The following STMN1 variants were observed in gnomAD, a reference collection of about 807,000 sequenced individuals.
The protein encoded by STMN1 is stathmin 1.
A neutral mutation model predicts 19.7 loss-of-function variants in STMN1; 3 were observed. The ratio of observed to expected loss-of-function variants is 0.15; its 90% CI spans 0.07 to 0.39. The LOEUF (loss-of-function observed/expected upper bound fraction) is 0.39, where lower values mean the gene tolerates loss of function less well. Ranked by LOEUF, STMN1 falls within the 10% of genes least tolerant of loss-of-function variation. The pLI is 1.00. For synonymous variants in STMN1, 59 were observed against 58.9 expected (o/e 1.00, Z -0.01); for missense variants, 99 against 176.0 (o/e 0.56, Z 2.48).
chr1:25,903,047 A>T (rs1054222278), intron 3 of STMN1: 2 of 152,280 alleles, frequency 1.3e-5, no homozygotes, highest in African/African-American at 4.8e-5. Flanking sequence ...GAATACTTTT[A>T]ATTTCCATTT....
intron 4 of STMN1, among the ~76,000 whole-genome samples, chr1:25,895,099 C>CTTT (rs34587140): frequency 2.6e-5 from 3 of 113,404 alleles, no homozygotes; most frequent in Non-Finnish European, 5.4e-5. Context: ...TATTATACGT[C>CTTT]TTTTTTTTTT....
chr1:25,892,645 A>G, intron 4 of STMN1: 1 of 979,630 alleles, frequency 1.0e-6, no homozygotes, highest in South Asian at 4.7e-5. Flanking sequence ...CTGAGTCAGA[A>G]GGAAAGCCTG....
Position 25,895,099 on chromosome 1 carries a change from CTTT to C in STMN1, c.378+6389_378+6391del, listed in dbSNP as rs34587140. ...AGGGAGATTCACTTTTATTATACGT[CTTT>C]TTTTTTTTTTTTTTTTTTGAGACAC... On this transcript the variant is annotated intron_variant, in intron 4 of 4. Coordinates refer to the STMN1 transcript ENST00000426559. 9.8e-3 allele frequency among the ~76,000 whole-genome samples: 1,113 copies of C among 113,336 alleles called. 11 individuals carry two copies. Among genetic ancestry groups the C allele is most frequent in the Admixed American group, 0.03 (308 of 10,282 alleles). 74.4% of individuals were successfully genotyped at this position (113,336 alleles called of 152,430 possible).
At chr1:25,904,829 T>A in intron 1 of STMN1, 91 bp from the exon 2 acceptor site, 1 of 834,880 alleles carries the variant, frequency 1.2e-6, no homozygotes. Context: ...TCTACATACA[T>A]CGTCAGAAAA....
Position 25,900,935 on chromosome 1 carries a change from G to A in STMN1, c.*81C>T. On this transcript the variant is annotated 3_prime_UTR_variant, in exon 5 of 5. Transcript: ENST00000455785. Reference sequence around the variant, plus strand: ...AGCTTCTAAAATATTTGTCAGGAGGGAAAAAATAAAATGACACTGGCCAGT... The same window carrying A: ...AGCTTCTAAAATATTTGTCAGGAGGAAAAAAATAAAATGACACTGGCCAGT... 6.2e-7 allele frequency: 1 copy of A among 1,604,402 alleles called. No individual in the cohort carries two copies. Among genetic ancestry groups the A allele is most frequent in the East Asian group, 2.2e-5 (1 of 44,788 alleles).
intron 4 of STMN1, among the ~76,000 whole-genome samples, chr1:25,890,351 C>G (rs2048761303): frequency 6.6e-6 from 1 of 152,194 alleles, no homozygotes; most frequent in African/African-American, 2.4e-5. Context: ...AGGAGCAGGC[C>G]TTCTGAAAGG....
rs1297448477 is a variant in STMN1, at chr1:25,903,644, G to C, written c.183C>G (p.Arg61=). The C allele has an allele frequency of 2.5e-6, 4 of 1,611,894 alleles. No individual in the cohort carries two copies. Among genetic ancestry groups the C allele is most frequent in the South Asian group, 1.1e-5 (1 of 90,862 alleles). ...QKKLEAAEER[R]KSHEAEVLKQ... Reference sequence around the variant, plus strand: ...TTCTGTGAATTGCTTCGTTTACCTTGCGTCTTTCTTCTGCAGCTTCTAATT... The same window carrying C: ...TTCTGTGAATTGCTTCGTTTACCTTCCGTCTTTCTTCTGCAGCTTCTAATT... Residue 61 remains arginine, a synonymous_variant, in exon 3 of 5, where the codon CGC becomes CGG. Transcript: ENST00000455785.
At chr1:25,893,878 A>G (rs1437386446) in intron 4 of STMN1, among the ~76,000 whole-genome samples, 1 of 152,182 alleles carries the variant, frequency 6.6e-6, no homozygotes, top group Non-Finnish European at 1.5e-5. Flanking sequence ...GTCAGTGGCC[A>G]GGAGAATGGT....
intron 4 of STMN1, among the ~76,000 whole-genome samples, chr1:25,893,469 C>T (rs2048793887): frequency 6.6e-6 from 1 of 152,200 alleles, no homozygotes; most frequent in South Asian, 2.1e-4. Context: ...AGGGCAGGCA[C>T]ACTGCTCTGA....
chr1:25,904,692 A>C lies in STMN1; in HGVS notation c.-16T>G. On this transcript the variant is annotated 5_prime_UTR_variant, in exon 2 of 5. Coordinates refer to ENST00000455785, the MANE Select transcript of STMN1 (RefSeq NM_005563.4). ...AAGAAGCCATGGTGAATAGAAGACA[A>C]GCGACAGGCAGTGTATTCTGCACAA... 1.2e-6 allele frequency: 2 copies of C among 1,613,686 alleles called. No homozygotes were observed. Among genetic ancestry groups the C allele is most frequent in the Non-Finnish European group, 1.7e-6 (2 of 1,179,858 alleles).
At chr1:25,892,057 T>G (rs964358504) in intron 4 of STMN1, among the ~76,000 whole-genome samples, 4 of 152,226 alleles carry the variant, frequency 2.6e-5, no homozygotes, top group East Asian at 1.9e-4. Flanking sequence ...CCCATTCTTA[T>G]GCTCACTAAA....
At position 25,900,341 on chromosome 1, in the gene STMN1, TGAAA is replaced by T. The variant is rs1247626956; in HGVS notation, c.*671_*674del. 1 of 985,704 alleles carries T rather than the reference TGAAA, an allele frequency of 1.0e-6. No individual in the cohort carries two copies. Among genetic ancestry groups the T allele is most frequent in the Non-Finnish European group, 1.2e-6 (1 of 829,926 alleles). The allele number at this position is 985,704 out of a possible 1,614,324, so 61.1% of individuals were successfully genotyped here. On this transcript the variant is annotated 3_prime_UTR_variant, in exon 5 of 5. Coordinates refer to ENST00000455785, the MANE Select transcript of STMN1 (RefSeq NM_005563.4). ...AAATGGTTGTTTGCAAATAAACATC[TGAAA>T]GAAAGTAACAGCTGACCTGGGCTGA...
At chr1:25,899,176 T>G (rs531914247), downstream of STMN1, among the ~76,000 whole-genome samples, 3 of 152,328 alleles carry the variant, frequency 2.0e-5, no homozygotes, top group African/African-American at 7.2e-5. Context: ...TCAGGCCTGT[T>G]GATCCTTCCC....
intron 3 of STMN1, chr1:25,902,360 T>C (rs1303789147): frequency 6.6e-6 from 1 of 152,216 alleles, no homozygotes; most frequent in Non-Finnish European, 1.5e-5. Flanking sequence ...AACTAGCTCA[T>C]TGTAAAAATT....
At chr1:25,894,478 G>A (rs890362119) in intron 4 of STMN1, among the ~76,000 whole-genome samples, 2 of 152,174 alleles carry the variant, frequency 1.3e-5, no homozygotes, top group Non-Finnish European at 2.9e-5. Context: ...TCAGGAGTTC[G>A]AGACCGGCCT....
At chr1:25,887,401 A>G (rs2048732205) in intron 4 of STMN1, 2 of 334,886 alleles carry the variant, frequency 6.0e-6, no homozygotes, top group Non-Finnish European at 1.2e-5. Flanking sequence ...TCAGTGGGTT[A>G]ACAGGAAAGC....
Position 25,903,823 on chromosome 1 carries a change from A to T in STMN1, c.14-10T>A. 10 of 1,584,702 alleles carry T rather than the reference A, an allele frequency of 6.3e-6. No homozygotes were observed. Among genetic ancestry groups the T allele is most frequent in the Non-Finnish European group, 8.5e-6 (10 of 1,170,548 alleles). On this transcript the variant is annotated splice_polypyrimidine_tract_variant and intron_variant, in intron 2 of 4. Transcript: ENST00000455785. The stretch of plus-strand genomic sequence containing the variant: ...TCTTTCACCTGGATATCTAGAATTG[A>T]TTATATTTATAATTCAGAAAACCAG...
downstream of STMN1, chr1:25,885,402 G>A (rs984303913): frequency 2.7e-5 from 5 of 184,420 alleles, no homozygotes; most frequent in East Asian, 1.4e-4. Flanking sequence ...CACTTGCCAC[G>A]CACAAAAATA....
chr1:25,906,704 C>A (rs1272792356), upstream of STMN1: 3 of 152,406 alleles, frequency 2.0e-5, no homozygotes, highest in Non-Finnish European at 4.4e-5. This position sits in a 1 kb window ranked among gnomAD's most constrained non-coding sequence, Gnocchi z 4.5. Context: ...GGCAGTGGAC[C>A]CCGGACTAGG....
Sources: gnomAD v4.1 joint callset for allele counts (sites outside exome capture counted in the v4.1 genomes callset) on GRCh38, gnomAD v4.1.1 for gene constraint, Gnocchi (gnomAD v3.1) non-coding constraint, MANE v1.5 for transcripts, NCBI Gene and HGNC (gene_info 2026-07-23, HGNC 2026-07-21) for gene names.